The following ASAH2 variants were observed in gnomAD, a reference collection of about 807,000 sequenced individuals.
ASAH2 encodes the protein N-acylsphingosine amidohydrolase 2.
ASAH2 carries 58 observed loss-of-function variants against 82.9 expected under a neutral mutation model. The observed-to-expected ratio is 0.70, with a 90% CI of 0.57 to 0.87. ASAH2 has a LOEUF of 0.87. Among genes scored for constraint, ASAH2 ranks in the 40% least tolerant of loss-of-function variants. ASAH2 has a pLI of 0.00. For missense variants in ASAH2, 779 were observed against 834.0 expected (o/e 0.93, Z 0.81); for synonymous variants, 276 against 289.7 (o/e 0.95, Z 0.48).
At chr10:50,232,113 C>T (rs1190737783) in intron 7 of ASAH2, among the ~76,000 whole-genome samples, 1 of 152,074 alleles carries the variant, frequency 6.6e-6, no homozygotes, top group Non-Finnish European at 1.5e-5. Context: ...TTGTTCTCCA[C>T]CTAGTTTTAG....
Position 50,186,526 on chromosome 10 carries a change from G to A in ASAH2, c.*789C>T, listed in dbSNP as rs1844747643. On this transcript the variant is annotated 3_prime_UTR_variant, in exon 21 of 21. Transcript: ENST00000682911. ...AGAGTCAAAAAATCATTTGGAATAA[G>A]TCTTGGGAGTAAGAGACACAATCCA... 6.9e-6 allele frequency: 1 copy of A among 144,788 alleles called. No homozygotes were observed. Among genetic ancestry groups the A allele is most frequent in the Non-Finnish European group, 1.5e-5 (1 of 66,884 alleles). 9.0% of individuals were successfully genotyped at this position (144,788 alleles called of 1,614,324 possible).
chr10:50,244,871 T>C (rs537031424), intron 3 of ASAH2, among the ~76,000 whole-genome samples: 1 of 152,108 alleles, frequency 6.6e-6, no homozygotes, highest in East Asian at 1.9e-4. Context: ...CACCATTTCC[T>C]ACTACCTCCC....
At chr10:50,233,082 C>T in intron 7 of ASAH2, 102 bp downstream of exon 7, 2 of 966,394 alleles carry the variant, frequency 2.1e-6, no homozygotes, top group Non-Finnish European at 3.4e-6. Flanking sequence ...AACCACACAA[C>T]TTATTCTCAG....
chr10:50,201,161 C>A (rs1016418455), intron 16 of ASAH2, among the ~76,000 whole-genome samples: 1 of 152,024 alleles, frequency 6.6e-6, no homozygotes, highest in African/African-American at 2.4e-5. Context: ...TCTTCCCACA[C>A]CATCCCCTTT....
intron 3 of ASAH2, among the ~76,000 whole-genome samples, chr10:50,244,934 A>G (rs998371400): frequency 6.6e-6 from 1 of 151,322 alleles, no homozygotes; most frequent in Non-Finnish European, 1.5e-5. Flanking sequence ...TGGCCTGGTG[A>G]TGTCATTTAA....
At position 50,210,741 on chromosome 10, in the gene ASAH2, G is replaced by T. The variant is rs1845430853; in HGVS notation, c.1414+82C>A. 5 of 1,180,854 alleles carry T rather than the reference G, an allele frequency of 4.2e-6. No individual in the cohort carries two copies. In the South Asian group the frequency reaches 4.9e-5, roughly 11 times the overall value. The allele number at this position is 1,180,854 out of a possible 1,614,324, so 73.1% of individuals were successfully genotyped here. ...GAGTTTAAAAATTAATAAATGTATTGGCTACAATGAAACCTGATCAGAGAA... is the reference window on the plus strand; with the variant it reads ...GAGTTTAAAAATTAATAAATGTATTTGCTACAATGAAACCTGATCAGAGAA... On this transcript the variant is annotated intron_variant, in intron 12 of 20. Transcript: ENST00000682911.
chr10:50,248,725 T>A, intron 1 of ASAH2, 79 bp from the exon 2 acceptor site: 1 of 1,086,644 alleles, frequency 9.2e-7, no homozygotes. Context: ...TCTTTCATAT[T>A]AATAGACTAT....
At chr10:50,244,414 C>T (rs539183185) in intron 3 of ASAH2, among the ~76,000 whole-genome samples, 1 of 152,202 alleles carries the variant, frequency 6.6e-6, no homozygotes, top group East Asian at 1.9e-4. Context: ...TTGCATTACC[C>T]CTCCTGGGAG....
Position 50,187,084 on chromosome 10 carries a change from C to CTCTCTCT in ASAH2, c.*230_*231insAGAGAGA, listed in dbSNP as rs150599615. 397 of 183,406 alleles carry CTCTCTCT rather than the reference C, an allele frequency of 2.2e-3. 6 individuals are homozygous for CTCTCTCT. The highest frequency in any genetic ancestry group is 9.2e-3 in the East Asian group (70 of 7,616). 11.4% of individuals were successfully genotyped at this position (183,406 alleles called of 1,614,324 possible). A position where few individuals can be genotyped will look rare whatever the true frequency, so the allele number is the denominator to read the frequency against. ...GCTGGAGCAAGATATATGGGACAAA[C>CTCTCTCT]CTCTCTCTCTCTCTCTCTCTCTCTC... On this transcript the variant is annotated 3_prime_UTR_variant, in exon 21 of 21. Transcript: ENST00000682911.
At chr10:50,243,463 T>A in intron 3 of ASAH2, 112 bp from the exon 4 acceptor site, 2 of 1,170,968 alleles carry the variant, frequency 1.7e-6, no homozygotes, top group Non-Finnish European at 2.4e-6. Context: ...AACATCCACA[T>A]GACATGGTGG....
chr10:50,219,268 G>A (rs1845683792), intron 7 of ASAH2, among the ~76,000 whole-genome samples: 1 of 152,342 alleles, frequency 6.6e-6, no homozygotes, highest in Admixed American at 6.5e-5. Flanking sequence ...CCTTGTTTAA[G>A]TGTAAAGTTA....
At chr10:50,193,716 G>A (rs1247205637) in intron 18 of ASAH2, among the ~76,000 whole-genome samples, 1 of 151,450 alleles carries the variant, frequency 6.6e-6, no homozygotes, top group Admixed American at 6.6e-5. Context: ...TTAGTAATAG[G>A]TAATGCAATA....
At chr10:50,217,323 G>A (rs1845631088) in intron 8 of ASAH2, among the ~76,000 whole-genome samples, 1 of 151,652 alleles carries the variant, frequency 6.6e-6, no homozygotes, top group Non-Finnish European at 1.5e-5. Context: ...TGCCTCCTGG[G>A]GTCAAGCAAT....
chr10:50,198,321 G>C (rs1205620700), intron 17 of ASAH2: 1 of 152,048 alleles, frequency 6.6e-6, no homozygotes, highest in Admixed American at 6.6e-5. Flanking sequence ...CACAGTTGCA[G>C]CTTCATAAAC....
intron 7 of ASAH2, among the ~76,000 whole-genome samples, chr10:50,224,207 AT>A (rs1369885713): frequency 6.6e-6 from 1 of 152,170 alleles, no homozygotes; most frequent in African/African-American, 2.4e-5. Flanking sequence ...GACAATTAAA[AT>A]AACTAATACA....
At chr10:50,211,992 G>A (rs1173508624) in intron 10 of ASAH2, among the ~76,000 whole-genome samples, 2 of 152,296 alleles carry the variant, frequency 1.3e-5, no homozygotes, top group African/African-American at 2.4e-5. Flanking sequence ...AGTGTGTCAT[G>A]GGTGCACACC....
At position 50,186,820 on chromosome 10, in the gene ASAH2, GA is replaced by G. The variant is rs1194883666; in HGVS notation, c.*494del. ...TCATATTTTGTAAATGTGATTAGAA[GA>G]AAAGACCATTTTTCTTATATGTAAG... is the stretch of plus-strand genomic sequence containing the variant. On this transcript the variant is annotated 3_prime_UTR_variant, in exon 21 of 21. Coordinates refer to ENST00000682911, the MANE Select transcript of ASAH2 (RefSeq NM_019893.4). 9 of 136,086 alleles carry G rather than the reference GA, an allele frequency of 6.6e-5. No homozygotes were observed. The highest frequency in any genetic ancestry group is 2.4e-4 in the African/African-American group (8 of 32,994). 8.4% of individuals were successfully genotyped at this position (136,086 alleles called of 1,614,324 possible). A position where few individuals can be genotyped will look rare whatever the true frequency, so the allele number is the denominator to read the frequency against.
chr10:50,234,346 A>G (rs1406033117), intron 6 of ASAH2, 79 bp downstream of exon 6: 3 of 1,593,290 alleles, frequency 1.9e-6, no homozygotes, highest in Non-Finnish European at 2.6e-6. Context: ...ATATTCATCA[A>G]GTAACAGCCC....
At chr10:50,209,622 T>A (rs1845399161) in intron 12 of ASAH2, among the ~76,000 whole-genome samples, 1 of 151,906 alleles carries the variant, frequency 6.6e-6, no homozygotes, top group Non-Finnish European at 1.5e-5. Context: ...GCTGGGAAAA[T>A]ATTTTTATAT....
Sources: gnomAD v4.1 joint callset for allele counts (sites outside exome capture counted in the v4.1 genomes callset) on GRCh38, gnomAD v4.1.1 for gene constraint, MANE v1.5 for transcripts, NCBI Gene and HGNC (gene_info 2026-07-23, HGNC 2026-07-21) for gene names.